Variants in GJB4 observed in about 807,000 individuals in gnomAD.
The protein encoded by GJB4 is gap junction protein beta 4.
For missense variants in GJB4, 371 were observed against 363.8 expected (o/e 1.02, Z -0.16); for synonymous variants, 162 against 158.1 (o/e 1.02, Z -0.18).
intron 1 of GJB4, among the ~76,000 whole-genome samples, 181 bp downstream of exon 1, chr1:34,759,969 C>T (rs968654951): frequency 1.2e-4 from 19 of 152,196 alleles, no homozygotes; most frequent in African/African-American, 3.6e-4. Flanking sequence ...ACCTAAGGGA[C>T]GACAGAAGAT....
chr1:34,761,965 T>G lies in GJB4; in HGVS notation c.711T>G (p.Tyr237Ter). The G allele has an allele frequency of 6.2e-7, 1 of 1,614,146 alleles. No individual in the cohort carries two copies. Among genetic ancestry groups the G allele is most frequent in the Non-Finnish European group, 8.5e-7 (1 of 1,179,992 alleles). Residue 237 changes from tyrosine (Y) to a stop codon, truncating the protein, a stop_gained, in exon 2 of 2, where the codon TAT becomes TAG. Transcript: ENST00000339480. LOFTEE classifies it low-confidence loss of function (END_TRUNC). This position sits in a 1 kb window ranked among gnomAD's most constrained non-coding sequence, Gnocchi z 4.4. The stretch of plus-strand genomic sequence containing the variant: ...GCCTACCCGATACGTGCCCACCATA[T>G]GTCCTCTCCCAGGGAGGGCACCCTG... ...RECLPDTCPP[Y>*]VLSQGGHPED...
intron 1 of GJB4, among the ~76,000 whole-genome samples, chr1:34,760,367 A>G (rs1355036820): frequency 6.6e-6 from 1 of 152,170 alleles, no homozygotes. Flanking sequence ...CGGCTAGCAA[A>G]CAGCCACTAA....
chr1:34,759,987 G>C (rs1639679978), intron 1 of GJB4, among the ~76,000 whole-genome samples, 199 bp downstream of exon 1: 1 of 152,234 alleles, frequency 6.6e-6, no homozygotes. Flanking sequence ...GATTGGGGAA[G>C]AGGGGGTATC....
At position 34,761,548 on chromosome 1, in the gene GJB4, C is replaced by G; in HGVS notation, c.294C>G (p.Arg98=). 1.9e-6 allele frequency: 3 copies of G among 1,614,184 alleles called. No homozygotes were observed. Among genetic ancestry groups the G allele is most frequent in the Non-Finnish European group, 2.5e-6 (3 of 1,180,044 alleles). Residue 98 remains arginine, a synonymous_variant, in exon 2 of 2, where the codon CGC becomes CGG. Coordinates refer to ENST00000339480, the MANE Select transcript of GJB4 (RefSeq NM_153212.3). This position sits in a 1 kb window ranked among gnomAD's most constrained non-coding sequence, Gnocchi z 4.4. ...TCGTGGTCATGCACGTGGCCTACCG[C>G]GAGGAACGCGAGCGCAAGCACCACC... ...SLLVVMHVAY[R]EERERKHHLK...
In GJB4 at chr1:34,761,626, G is replaced by A. The variant is rs1639717549; in HGVS notation, c.372G>A (p.Arg124=). Residue 124 remains arginine (R), a synonymous_variant, in exon 2 of 2, where the codon CGG becomes CGA. Coordinates refer to ENST00000339480, the MANE Select transcript of GJB4 (RefSeq NM_153212.3). The surrounding 1 kb of genome is among the most constrained non-coding windows in gnomAD (Gnocchi z 4.4). The stretch of plus-strand genomic sequence containing the variant: ...TGTACGACAACCTGAGCAAGAAGCG[G>A]GGCGGACTGTGGTGGACGTACTTGC... ...PSLYDNLSKK[R]GGLWWTYLLS... is the part of the protein sequence containing the mutation. The A allele has an allele frequency of 6.2e-7, 1 of 1,614,230 alleles. No individual in the cohort carries two copies. The highest frequency in any genetic ancestry group is 8.5e-7 in the Non-Finnish European group (1 of 1,180,040).
chr1:34,759,761 A>T lies in GJB4; in HGVS notation c.-350A>T, dbSNP rs891092603. ...GAGGCAAACAGACAAGCCCAAGGACAAGGAAGCAGCTACTGGACCCAAGAA... is the reference window on the plus strand; with the variant it reads ...GAGGCAAACAGACAAGCCCAAGGACTAGGAAGCAGCTACTGGACCCAAGAA... On this transcript the variant is annotated 5_prime_UTR_variant, in exon 1 of 2. Transcript: ENST00000339480. The T allele has an allele frequency of 2.0e-5, 3 of 152,466 alleles. No homozygotes were observed. Among genetic ancestry groups the T allele is most frequent in the Non-Finnish European group, 2.9e-5 (2 of 68,180 alleles). The allele number at this position is 152,466 out of a possible 1,614,324, so 9.4% of individuals were successfully genotyped here. A position where few individuals can be genotyped will look rare whatever the true frequency, so the allele number is the denominator to read the frequency against.
Position 34,761,780 on chromosome 1 carries a change from TACATCTCC to T in GJB4, c.527_534del (p.Tyr176SerfsTer26). On this transcript the variant is annotated frameshift_variant, in exon 2 of 2. Transcript: ENST00000339480. LOFTEE classifies it low-confidence loss of function (END_TRUNC). This position sits in a 1 kb window ranked among gnomAD's most constrained non-coding sequence, Gnocchi z 4.4. ...GCCTTGCCCCCACACTGTGGACTGT[TACATCTCC>T]CGGCCCACGGAGAAGAAGGTCTTCA... The T allele has an allele frequency of 3.1e-6, 5 of 1,614,150 alleles. No homozygotes were observed. Among genetic ancestry groups the T allele is most frequent in the Non-Finnish European group, 3.4e-6 (4 of 1,180,028 alleles).
chr1:34,761,050 G>A lies in GJB4; in HGVS notation c.-205G>A. The A allele has an allele frequency of 1.6e-6, 1 of 622,896 alleles. No individual in the cohort carries two copies. The highest frequency in any genetic ancestry group is 2.9e-6 in the Non-Finnish European group (1 of 344,096). The allele number at this position is 622,896 out of a possible 1,614,324, so 38.6% of individuals were successfully genotyped here. ...GGCCTTCACTTACTCTTTGTGAAAT[G>A]AGGACAGGGGCAATCCCTACCCTAC... On this transcript the variant is annotated 5_prime_UTR_variant, in exon 2 of 2. It removes an upstream start codon present in the reference 5' UTR. Transcript: ENST00000339480. The surrounding 1 kb of genome is among the most constrained non-coding windows in gnomAD (Gnocchi z 4.4).
At position 34,762,127 on chromosome 1, in the gene GJB4, G is replaced by C. The variant is rs1639736997; in HGVS notation, c.*72G>C. The C allele has an allele frequency of 1.4e-6, 2 of 1,420,562 alleles. No individual in the cohort carries two copies. Among genetic ancestry groups the C allele is most frequent in the South Asian group, 2.5e-5 (2 of 81,452 alleles). The allele number at this position is 1,420,562 out of a possible 1,614,324, so 88.0% of individuals were successfully genotyped here. On this transcript the variant is annotated 3_prime_UTR_variant, in exon 2 of 2. Coordinates refer to ENST00000339480, the MANE Select transcript of GJB4 (RefSeq NM_153212.3). ...CCACCCAGGAAAAAAGGCAGGGGCA[G>C]TGGCATCCTTGCCGTAGCAGGGTGG...
At position 34,762,277 on chromosome 1, in the gene GJB4, A is replaced by G; in HGVS notation, c.*222A>G. 1.6e-6 allele frequency: 1 copy of G among 622,208 alleles called. No individual in the cohort carries two copies. The highest frequency in any genetic ancestry group is 1.9e-5 in the South Asian group (1 of 52,848). 38.5% of individuals were successfully genotyped at this position (622,208 alleles called of 1,614,324 possible). On this transcript the variant is annotated 3_prime_UTR_variant, in exon 2 of 2. Coordinates refer to ENST00000339480, the MANE Select transcript of GJB4 (RefSeq NM_153212.3). ...GGTTGATAGCTACTGGGGATTTTGTATATGGCAACAGTATATGTCAAACCT... is the reference window on the plus strand; with the variant it reads ...GGTTGATAGCTACTGGGGATTTTGTGTATGGCAACAGTATATGTCAAACCT...
rs757433582 is a variant in GJB4 at position 34,761,656 on chromosome 1, C to G, written c.402C>G (p.Ser134Arg). The G allele has an allele frequency of 1.7e-5, 27 of 1,614,240 alleles. No individual in the cohort carries two copies. The highest frequency in any genetic ancestry group is 2.2e-5 in the Non-Finnish European group (26 of 1,180,052). ...GACTGTGGTGGACGTACTTGCTGAG[C>G]CTCATCTTCAAGGCCGCCGTGGATG... The part of the protein sequence containing the change: ...RGGLWWTYLL[S>R]LIFKAAVDAG... Residue 134 changes from serine to arginine, a missense_variant, in exon 2 of 2, where the codon AGC (serine) becomes AGG (arginine). Ser to Arg is a moderately radical substitution (Grantham distance 110). Coordinates refer to ENST00000339480, the MANE Select transcript of GJB4 (RefSeq NM_153212.3). The surrounding 1 kb of genome is among the most constrained non-coding windows in gnomAD (Gnocchi z 4.4).
Position 34,761,199 on chromosome 1 carries a change from G to A in GJB4, c.-56G>A, listed in dbSNP as rs1318584421. On this transcript the variant is annotated 5_prime_UTR_variant, in exon 2 of 2. Coordinates refer to ENST00000339480, the MANE Select transcript of GJB4 (RefSeq NM_153212.3). The surrounding 1 kb of genome is among the most constrained non-coding windows in gnomAD (Gnocchi z 4.4). ...CCTCAAGGCTCCCAAGGCCTGAGTGGGCAGGTAGCACCCAGGTATAGACCT... is the reference window on the plus strand; with the variant it reads ...CCTCAAGGCTCCCAAGGCCTGAGTGAGCAGGTAGCACCCAGGTATAGACCT... 1 of 1,581,374 alleles carries A rather than the reference G, an allele frequency of 6.3e-7. No individual in the cohort carries two copies. The highest frequency in any genetic ancestry group is 8.7e-7 in the Non-Finnish European group (1 of 1,153,170).
At chr1:34,760,898 G>A (rs964864411) in intron 1 of GJB4, 35 bp from the exon 2 acceptor site, 13 of 372,626 alleles carry the variant, frequency 3.5e-5, no homozygotes, top group South Asian at 3.1e-4. Context: ...ATCCATGCAG[G>A]ATGATTGTCT....
In GJB4 at chr1:34,761,606, G is replaced by A. The variant is rs534122483; in HGVS notation, c.352G>A (p.Asp118Asn). 1.7e-5 allele frequency: 28 copies of A among 1,614,230 alleles called. No individual in the cohort carries two copies. Among genetic ancestry groups the A allele is most frequent in the Middle Eastern group, 1.6e-4 (1 of 6,062 alleles). ...CGGGCCCAATGCCCCGTCCCTGTAC[G>A]ACAACCTGAGCAAGAAGCGGGGCGG... The part of the protein sequence containing the change: ...KHGPNAPSLY[D>N]NLSKKRGGLW... The change falls in exon 2 of 2, where the codon GAC becomes AAC. Residue 118 changes from aspartate to asparagine, a missense_variant. By Grantham distance (23) the Asp-to-Asn change is conservative (BLOSUM62 1). Transcript: ENST00000339480. The surrounding 1 kb of genome is among the most constrained non-coding windows in gnomAD (Gnocchi z 4.4).
chr1:34,759,852 C>T (rs1639677589), intron 1 of GJB4, 64 bp downstream of exon 1: 1 of 152,532 alleles, frequency 6.6e-6, no homozygotes, highest in Non-Finnish European at 1.5e-5. Flanking sequence ...TGAGGATATC[C>T]AAGGGACCTC....
At position 34,761,303 on chromosome 1, in the gene GJB4, T is replaced by G; in HGVS notation, c.49T>G (p.Ser17Ala). The change falls in exon 2 of 2, where the codon TCC becomes GCC. Residue 17 changes from serine to alanine, a missense_variant. Ser to Ala is a moderately conservative substitution (Grantham distance 99). Coordinates refer to ENST00000339480, the MANE Select transcript of GJB4 (RefSeq NM_153212.3). The surrounding 1 kb of genome is among the most constrained non-coding windows in gnomAD (Gnocchi z 4.4). ...QGLLSGVNKYSTVLSRIWLSV... is the reference protein window; with the variant it reads ...QGLLSGVNKYATVLSRIWLSV... ...CCTGCTGAGTGGCGTGAACAAGTAC[T>G]CCACAGTGCTGAGCCGCATCTGGCT... is the stretch of plus-strand genomic sequence containing the variant. The G allele has an allele frequency of 6.2e-7, 1 of 1,614,036 alleles. No homozygotes were observed. Among genetic ancestry groups the G allele is most frequent in the Non-Finnish European group, 8.5e-7 (1 of 1,179,882 alleles).
In GJB4 at chr1:34,761,274, A is replaced by G. The variant is rs1477411253; in HGVS notation, c.20A>G (p.Gln7Arg). The change falls in exon 2 of 2, where the codon CAG (glutamine) becomes CGG (arginine). Residue 7 changes from glutamine (Q) to arginine (R), a missense_variant. By Grantham distance (43) the Gln-to-Arg change is conservative (BLOSUM62 1). Transcript: ENST00000339480. The surrounding 1 kb of genome is among the most constrained non-coding windows in gnomAD (Gnocchi z 4.4). ...GCCAGCATGAACTGGGCATTTCTGC[A>G]GGGCCTGCTGAGTGGCGTGAACAAG... MNWAFL[Q>R]GLLSGVNKYS... 4 of 1,614,106 alleles carry G rather than the reference A, an allele frequency of 2.5e-6. No homozygotes were observed. The highest frequency in any genetic ancestry group is 3.4e-6 in the Non-Finnish European group (4 of 1,180,052).
chr1:34,761,729 C>T lies in GJB4; in HGVS notation c.475C>T (p.Pro159Ser), dbSNP rs780567526. The T allele has an allele frequency of 3.8e-5, 61 of 1,614,044 alleles. No homozygotes were observed. The East Asian group carries it at 7.1e-4, about 19-fold the overall frequency. ...FHRLYKDYDMPRVVACSVEPC... is the reference protein window; with the variant it reads ...FHRLYKDYDMSRVVACSVEPC... Reference sequence around the variant, plus strand: ...CCGCCTCTACAAGGATTATGACATGCCCCGCGTGGTGGCCTGCTCCGTGGA... The same window carrying T: ...CCGCCTCTACAAGGATTATGACATGTCCCGCGTGGTGGCCTGCTCCGTGGA... The change falls in exon 2 of 2, where the codon CCC becomes TCC. Residue 159 changes from proline (P) to serine (S), a missense_variant. Physicochemically the swap from Pro to Ser is moderately conservative, Grantham distance 74 (BLOSUM62 -1). Coordinates refer to ENST00000339480, the MANE Select transcript of GJB4 (RefSeq NM_153212.3). The surrounding 1 kb of genome is among the most constrained non-coding windows in gnomAD (Gnocchi z 4.4).
intron 1 of GJB4, among the ~76,000 whole-genome samples, chr1:34,760,148 T>C (rs1329522226): frequency 6.6e-6 from 1 of 152,000 alleles, no homozygotes; most frequent in East Asian, 1.9e-4. Context: ...AAATAGACCA[T>C]TTGGGTACAG....
Sources: allele counts gnomAD v4.1 joint callset (sites outside exome capture counted in the v4.1 genomes callset), GRCh38; gene constraint gnomAD v4.1.1; non-coding constraint Gnocchi (gnomAD v3.1); transcripts MANE v1.5; gene names NCBI Gene and HGNC (gene_info 2026-07-23, HGNC 2026-07-21).